TEKT1: variants seen among roughly 807,000 people sequenced by gnomAD.
TEKT1 encodes tektin 1.
TEKT1 carries 32 observed loss-of-function variants against 34.8 expected under a neutral mutation model. That is an observed-to-expected ratio of 0.92 (90% CI 0.69 to 1.23). The LOEUF (loss-of-function observed/expected upper bound fraction) is 1.23. Among genes scored for constraint, TEKT1 ranks in the 50% most tolerant of loss-of-function variants. TEKT1 has a pLI of 0.00. For missense variants in TEKT1, 492 were observed against 518.5 expected (o/e 0.95, Z 0.50); for synonymous variants, 207 against 199.8 (o/e 1.04, Z -0.30).
intron 2 of TEKT1, among the ~76,000 whole-genome samples, chr17:6,827,469 G>A (rs1320832906): frequency 3.3e-5 from 5 of 151,730 alleles, no homozygotes; most frequent in African/African-American, 1.2e-4. Context: ...TCACCATGTT[G>A]GCCAGGCTGG....
chr17:6,824,757 G>A (rs1904349451), intron 2 of TEKT1, among the ~76,000 whole-genome samples: 1 of 152,200 alleles, frequency 6.6e-6, no homozygotes, highest in Non-Finnish European at 1.5e-5. Context: ...ATGAATTAAT[G>A]AATGAACGAG....
intron 6 of TEKT1, 75 bp downstream of exon 6, chr17:6,812,756 C>T: frequency 1.4e-6 from 2 of 1,448,634 alleles, no homozygotes; most frequent in Non-Finnish European, 1.9e-6. Flanking sequence ...CGGTCTGGCC[C>T]AGGGGGCATT....
At chr17:6,824,791 G>A (rs1904350878) in intron 2 of TEKT1, among the ~76,000 whole-genome samples, 1 of 152,180 alleles carries the variant, frequency 6.6e-6, no homozygotes, top group African/African-American at 2.4e-5. Flanking sequence ...AACCAGGATA[G>A]GGAACTACAG....
In TEKT1 at chr17:6,799,989, A is replaced by G; in HGVS notation, c.*38T>C. ...CTCTGTACTACTGTAACTACTGTTTACAATGTGGTTTAATGAGAATTGGAA... is the reference window on the plus strand; with the variant it reads ...CTCTGTACTACTGTAACTACTGTTTGCAATGTGGTTTAATGAGAATTGGAA... On this transcript the variant is annotated 3_prime_UTR_variant, in exon 8 of 8. Coordinates refer to ENST00000338694, the MANE Select transcript of TEKT1 (RefSeq NM_053285.2). 6.3e-7 allele frequency: 1 copy of G among 1,575,592 alleles called. No homozygotes were observed. The highest frequency in any genetic ancestry group is 8.6e-7 in the Non-Finnish European group (1 of 1,165,700).
intron 2 of TEKT1, among the ~76,000 whole-genome samples, chr17:6,825,105 C>T (rs1193783350): frequency 6.6e-6 from 1 of 151,970 alleles, no homozygotes; most frequent in Non-Finnish European, 1.5e-5. Context: ...AAGAAGCATC[C>T]ATAATAGAGA....
Position 6,815,232 on chromosome 17 carries a change from A to G in TEKT1, c.560T>C (p.Ile187Thr), listed in dbSNP as rs1207084266. 1 of 1,614,222 alleles carries G rather than the reference A, an allele frequency of 6.2e-7. No individual in the cohort carries two copies. The highest frequency in any genetic ancestry group is 1.7e-5 in the Admixed American group (1 of 60,032). The stretch of plus-strand genomic sequence containing the variant: ...TGAGTTGTTGTTGAGCGAGAAGCAG[A>G]TATCATCTATGGTCAGGGCCACAAA... ...DKFVALTIDD[I>T]CFSLNNNSPN... Residue 187 changes from isoleucine (I) to threonine (T), a missense_variant, in exon 5 of 8, where the codon ATC becomes ACC. Coordinates refer to ENST00000338694, the MANE Select transcript of TEKT1 (RefSeq NM_053285.2).
rs76713695 is a variant in TEKT1, at chr17:6,811,790, G to A, written c.852+1041C>T. On this transcript the variant is annotated intron_variant, in intron 6 of 7. Coordinates refer to ENST00000338694, the MANE Select transcript of TEKT1 (RefSeq NM_053285.2). This position sits in a 1 kb window ranked among gnomAD's most constrained non-coding sequence, Gnocchi z 4.4. ...CTTCACCAGCAGTAAAGCGTAGGGT[G>A]GGCTGACAGTGGCCTGCTGAAATGT... Among the ~76,000 whole-genome samples the A allele has an allele frequency of 8.2e-3, 1,245 of 152,274 alleles. 16 individuals carry two copies. The highest frequency in any genetic ancestry group is 0.028 in the African/African-American group (1,178 of 41,552).
At chr17:6,820,103 A>G (rs1198625921) in intron 2 of TEKT1, among the ~76,000 whole-genome samples, 2 of 152,214 alleles carry the variant, frequency 1.3e-5, no homozygotes, top group Non-Finnish European at 2.9e-5. Context: ...CTCACACAAC[A>G]TACTTCCGTC....
At position 6,815,215 on chromosome 17, in the gene TEKT1, T is replaced by C. The variant is rs144077152; in HGVS notation, c.577A>G (p.Asn193Asp). 27 of 1,614,094 alleles carry C rather than the reference T, an allele frequency of 1.7e-5. No individual in the cohort carries two copies. In the East Asian group the frequency reaches 2.7e-4, roughly 16 times the overall value. Residue 193 changes from asparagine (N) to aspartate (D), a missense_variant, in exon 5 of 8, where the codon AAC becomes GAC. Transcript: ENST00000338694. ...TIDDICFSLN[N>D]NSPNIRYSEN... ...GAATATCTGATGTTTGGTGAGTTGT[T>C]GTTGAGCGAGAAGCAGATATCATCT...
At chr17:6,823,317 T>C (rs1448381650) in intron 2 of TEKT1, among the ~76,000 whole-genome samples, 1 of 152,196 alleles carries the variant, frequency 6.6e-6, no homozygotes, top group Non-Finnish European at 1.5e-5. Flanking sequence ...TTCTTATTGT[T>C]CTCTACCCAG....
chr17:6,823,460 G>A (rs533028353), intron 2 of TEKT1, among the ~76,000 whole-genome samples: 1 of 152,222 alleles, frequency 6.6e-6, no homozygotes, highest in Admixed American at 6.5e-5. Context: ...GCATGTGCTT[G>A]CCTGTGTATG....
chr17:6,814,610 G>A (rs964593700), intron 5 of TEKT1, among the ~76,000 whole-genome samples: 2 of 152,094 alleles, frequency 1.3e-5, no homozygotes, highest in South Asian at 2.1e-4. Context: ...AGGCCGAGGC[G>A]GGCAGATCAC....
intron 2 of TEKT1, among the ~76,000 whole-genome samples, chr17:6,820,906 G>A (rs1017164487): frequency 2.0e-5 from 3 of 152,172 alleles, no homozygotes; most frequent in Admixed American, 6.5e-5. Context: ...GTCTGCAAAT[G>A]TCTTTATTCT....
rs1306735703 is a variant in TEKT1 at position 6,800,926 on chromosome 17, A to C, written c.870T>G (p.Ala290=). The change falls in exon 7 of 8, where the codon GCT becomes GCG. Residue 290 remains alanine, a synonymous_variant. Coordinates refer to ENST00000338694, the MANE Select transcript of TEKT1 (RefSeq NM_053285.2). ...DHLAKVMEEI[A]SQEKNITALE... ...GAGCTGTAATATTTTTCTCCTGGGA[A>C]GCAATCTCTTCCATGACCTTACAAA... 6.2e-7 allele frequency: 1 copy of C among 1,613,648 alleles called. No homozygotes were observed. Among genetic ancestry groups the C allele is most frequent in the Non-Finnish European group, 8.5e-7 (1 of 1,179,818 alleles).
At chr17:6,821,838 A>G (rs1441579224) in intron 2 of TEKT1, among the ~76,000 whole-genome samples, 1 of 152,186 alleles carries the variant, frequency 6.6e-6, no homozygotes, top group Admixed American at 6.5e-5. Context: ...TTTAGCAAAG[A>G]GACTGGCAGC....
chr17:6,821,701 A>G (rs1282887879), intron 2 of TEKT1, among the ~76,000 whole-genome samples: 1 of 152,202 alleles, frequency 6.6e-6, no homozygotes, highest in East Asian at 1.9e-4. Context: ...GGAACTTCCT[A>G]GAGACTTGTT....
intron 2 of TEKT1, among the ~76,000 whole-genome samples, chr17:6,822,812 T>A (rs1290189841): frequency 6.6e-6 from 1 of 152,240 alleles, no homozygotes; most frequent in Non-Finnish European, 1.5e-5. Context: ...CTCAATTATT[T>A]GGTGATCATC....
intron 2 of TEKT1, among the ~76,000 whole-genome samples, chr17:6,819,939 C>T (rs1252937005): frequency 1.3e-5 from 2 of 152,160 alleles, no homozygotes; most frequent in African/African-American, 2.4e-5. Flanking sequence ...CCGCCTGCCT[C>T]GGCCTCCCAA....
chr17:6,830,433 T>G, intron 1 of TEKT1, 40 bp from the exon 2 acceptor site: 1 of 1,340,812 alleles, frequency 7.5e-7, no homozygotes, highest in Non-Finnish European at 1.0e-6. Flanking sequence ...ATGAAAGCAA[T>G]TTGTCCTTTT....
Sources: allele counts gnomAD v4.1 joint callset (sites outside exome capture counted in the v4.1 genomes callset), GRCh38; gene constraint gnomAD v4.1.1; non-coding constraint Gnocchi (gnomAD v3.1); transcripts MANE v1.5; gene names NCBI Gene and HGNC (gene_info 2026-07-23, HGNC 2026-07-21).